The following TFCP2 variants were observed in gnomAD, a reference collection of about 807,000 sequenced individuals.
TFCP2 encodes the protein alpha-globin transcription factor CP2.
In TFCP2, 33 loss-of-function variants were observed where a neutral mutation model predicts 73.4. The ratio of observed to expected loss-of-function variants is 0.45; its 90% confidence interval spans 0.34 to 0.60. The LOEUF (loss-of-function observed/expected upper bound fraction) is 0.60. Among genes scored for constraint, TFCP2 ranks in the 20% least tolerant of loss-of-function variants. TFCP2 has a pLI of 0.01. For synonymous variants in TFCP2, 193 were observed against 211.6 expected (o/e 0.91, Z 0.76); for missense variants, 352 against 604.0 (o/e 0.58, Z 4.37).
Position 51,106,625 on chromosome 12 carries a change from G to C in TFCP2, c.829-12C>G, listed in dbSNP as rs953789172. On this transcript the variant is annotated splice_polypyrimidine_tract_variant and intron_variant, in intron 7 of 14. Coordinates refer to ENST00000257915, the MANE Select transcript of TFCP2 (RefSeq NM_005653.5). ...GGCCATGGAGAACACTAAAAACAAAGGATAAGTTAGATAATGAACGAGCAC... is the reference window on the plus strand; with the variant it reads ...GGCCATGGAGAACACTAAAAACAAACGATAAGTTAGATAATGAACGAGCAC... The C allele has an allele frequency of 1.9e-6, 3 of 1,609,336 alleles. No homozygotes were observed. Among genetic ancestry groups the C allele is most frequent in the South Asian group, 2.2e-5 (2 of 90,754 alleles).
At chr12:51,108,369 G>C (rs1311917918) in intron 6 of TFCP2, among the ~76,000 whole-genome samples, 1 of 152,134 alleles carries the variant, frequency 6.6e-6, no homozygotes, top group South Asian at 2.1e-4. Context: ...AAGAGGTTGT[G>C]GAGGGGGTCA....
intron 1 of TFCP2, among the ~76,000 whole-genome samples, chr12:51,170,719 G>C (rs1941842939): frequency 1.3e-5 from 2 of 149,938 alleles, no homozygotes; most frequent in Admixed American, 1.3e-4. Flanking sequence ...TACTCTTGTT[G>C]CCTAAGCTGG....
chr12:51,170,360 A>G (rs1941837133), intron 1 of TFCP2, among the ~76,000 whole-genome samples: 1 of 71,228 alleles, frequency 1.4e-5, no homozygotes, highest in South Asian at 4.3e-4. Context: ...TTTAATTTTA[A>G]GAGATGAGGT....
intron 1 of TFCP2, among the ~76,000 whole-genome samples, chr12:51,123,508 G>C (rs908175202): frequency 1.3e-5 from 2 of 152,094 alleles, no homozygotes; most frequent in Admixed American, 1.3e-4. Flanking sequence ...AACCCATTCT[G>C]GTAGATTCTA....
chr12:51,125,152 C>CA (rs1566212789), intron 1 of TFCP2: 1 of 729,806 alleles, frequency 1.4e-6, no homozygotes, highest in Non-Finnish European at 2.6e-6. Flanking sequence ...GTGATATTGA[C>CA]ATTCTGTAAA....
chr12:51,122,257 T>C (rs937249508), intron 1 of TFCP2, among the ~76,000 whole-genome samples: 4 of 137,044 alleles, frequency 2.9e-5, no homozygotes, highest in African/African-American at 1.1e-4. Flanking sequence ...TCTTTTCTTT[T>C]TTTTTTTTTT....
At chr12:51,157,176 C>T (rs1941554079) in intron 1 of TFCP2, among the ~76,000 whole-genome samples, 1 of 151,868 alleles carries the variant, frequency 6.6e-6, no homozygotes, top group African/African-American at 2.4e-5. Flanking sequence ...CCACTACGGC[C>T]GGCTAATTTT....
In TFCP2 at chr12:51,117,146, G is replaced by C. The variant is rs998053572; in HGVS notation, c.351+525C>G. Among the ~76,000 whole-genome samples, 9 of 152,278 alleles carry C rather than the reference G, an allele frequency of 5.9e-5. 1 individual carries two copies. Among genetic ancestry groups the C allele is most frequent in the African/African-American group, 2.2e-4 (9 of 41,548 alleles). ...AACCTGTAAACACTGAGGGTAGGTAGAGCCTGTTTCCATCAACTTTCCTTT... is the reference window on the plus strand; with the variant it reads ...AACCTGTAAACACTGAGGGTAGGTACAGCCTGTTTCCATCAACTTTCCTTT... On this transcript the variant is annotated intron_variant, in intron 3 of 14. Transcript: ENST00000257915.
At chr12:51,120,896 C>G (rs925578430) in intron 1 of TFCP2, among the ~76,000 whole-genome samples, 4 of 119,592 alleles carry the variant, frequency 3.3e-5, no homozygotes, top group South Asian at 2.7e-4. Context: ...GGCGACATAG[C>G]GAGACTGTGT....
At chr12:51,143,847 C>T (rs1941237013) in intron 1 of TFCP2, among the ~76,000 whole-genome samples, 1 of 151,956 alleles carries the variant, frequency 6.6e-6, no homozygotes, top group East Asian at 1.9e-4. Context: ...GACCCAGCAA[C>T]AAAAGTACAG....
intron 1 of TFCP2, among the ~76,000 whole-genome samples, chr12:51,151,600 C>T (rs1941427680): frequency 6.6e-6 from 1 of 152,102 alleles, no homozygotes; most frequent in East Asian, 1.9e-4. Flanking sequence ...CCACGCCCGG[C>T]TAATTTTTTG....
chr12:51,112,534 G>C lies in TFCP2; in HGVS notation c.458-1551C>G, dbSNP rs780599735. ...CAGAGTGTCTATATGAAGGTAGAAA[G>C]CATTATATCATGAATGAAAGTGGGA... On this transcript the variant is annotated intron_variant, in intron 4 of 14. Coordinates refer to ENST00000257915, the MANE Select transcript of TFCP2 (RefSeq NM_005653.5). Among the ~76,000 whole-genome samples, 5 of 152,150 alleles carry C rather than the reference G, an allele frequency of 3.3e-5. 1 individual carries two copies. Among genetic ancestry groups the C allele is most frequent in the Admixed American group, 3.3e-4 (5 of 15,266 alleles).
Position 51,101,493 on chromosome 12 carries a change from C to A in TFCP2, c.1151+442G>T, listed in dbSNP as rs1196464739. 2.0e-5 allele frequency among the ~76,000 whole-genome samples: 3 copies of A among 152,172 alleles called. No individual in the cohort carries two copies. In the East Asian group the frequency reaches 5.8e-4, roughly 29 times the overall value. The stretch of plus-strand genomic sequence containing the variant: ...CCCTCCTTGGAGAGGCCCTTCCTGA[C>A]CATATTCTGGGCACCCTATAGCCCA... On this transcript the variant is annotated intron_variant, in intron 11 of 14. Transcript: ENST00000257915.
chr12:51,116,657 G>A (rs1485484683), intron 3 of TFCP2, among the ~76,000 whole-genome samples: 3 of 138,134 alleles, frequency 2.2e-5, no homozygotes, highest in Non-Finnish European at 4.7e-5. Flanking sequence ...TGCTCTTGTT[G>A]CCCAGGTTGG....
chr12:51,164,472 C>T (rs1360789752), intron 1 of TFCP2, among the ~76,000 whole-genome samples: 7 of 151,730 alleles, frequency 4.6e-5, no homozygotes, highest in Non-Finnish European at 1.0e-4. Context: ...TGGCAGGCAC[C>T]TGTAATCCCA....
At chr12:51,152,358 AC>A (rs775645152) in intron 1 of TFCP2, among the ~76,000 whole-genome samples, 24,752 of 152,116 alleles carry the variant, frequency 0.16, 2,371 homozygotes, top group South Asian at 0.26. Context: ...AGGAACAAGA[AC>A]TGTTCCAGAT....
rs1024690603 is a variant in TFCP2 at position 51,109,193 on chromosome 12, G to A, written c.645C>T (p.Thr215=). 21 of 1,614,006 alleles carry A rather than the reference G, an allele frequency of 1.3e-5. No individual in the cohort carries two copies. Among genetic ancestry groups the A allele is most frequent in the Non-Finnish European group, 1.7e-5 (20 of 1,180,022 alleles). The change falls in exon 6 of 15, where the codon ACC becomes ACT. Residue 215 remains threonine, a synonymous_variant. Coordinates refer to ENST00000257915, the MANE Select transcript of TFCP2 (RefSeq NM_005653.5). ...KGVPFRVQID[T]FKENENGEYT... ...ATTCCCCGTTTTCATTCTCCTTGAA[G>A]GTATCTATTTGTACTCGGAATGGCA... is the stretch of plus-strand genomic sequence containing the variant.
At chr12:51,168,454 T>C (rs1305341928) in intron 1 of TFCP2, among the ~76,000 whole-genome samples, 1 of 152,130 alleles carries the variant, frequency 6.6e-6, no homozygotes, top group Non-Finnish European at 1.5e-5. Flanking sequence ...TCACTGGAGA[T>C]GGGACCCTGT....
chr12:51,172,212 A>G, intron 1 of TFCP2, 89 bp downstream of exon 1: 1 of 1,549,226 alleles, frequency 6.5e-7, no homozygotes, highest in Non-Finnish European at 8.8e-7. Context: ...TTAAAACTCT[A>G]TACACCTCCT....
Sources: gnomAD v4.1 joint callset for allele counts (sites outside exome capture counted in the v4.1 genomes callset) on GRCh38, gnomAD v4.1.1 for gene constraint, MANE v1.5 for transcripts, NCBI Gene and HGNC (gene_info 2026-07-23, HGNC 2026-07-21) for gene names.